RBFOX1: variants seen among roughly 807,000 people sequenced by gnomAD.
The protein encoded by RBFOX1 is RNA binding protein fox-1 homolog 1.
RBFOX1 carries 8 observed loss-of-function variants against 57.7 expected under a neutral mutation model. That is an observed-to-expected ratio of 0.14 (90% confidence interval 0.08 to 0.25). RBFOX1 has a LOEUF of 0.25. Among genes scored for constraint, RBFOX1 ranks in the 10% least tolerant of loss-of-function variants. The pLI is 1.00. For synonymous variants in RBFOX1, 326 were observed against 222.4 expected, an observed-to-expected ratio of 1.47 and a Z score of -4.15; for missense variants, 611 against 548.5, an observed-to-expected ratio of 1.11 and a Z score of -1.14.
intron 2 of RBFOX1, among the ~76,000 whole-genome samples, chr16:6,322,829 C>G (rs1250374090): frequency 6.6e-6 from 1 of 152,166 alleles, no homozygotes; most frequent in South Asian, 2.1e-4. Flanking sequence ...TAATTCAAGG[C>G]CAGGCACAGG....
chr16:6,718,870 G>A (rs1333217828), intron 3 of RBFOX1, among the ~76,000 whole-genome samples: 1 of 151,570 alleles, frequency 6.6e-6, no homozygotes, highest in African/African-American at 2.4e-5. Flanking sequence ...TGTTGTTGTT[G>A]CTTGTTTTTT....
At chr16:5,428,481 G>A (rs1354606448) in intron 1 of RBFOX1, among the ~76,000 whole-genome samples, 4 of 152,144 alleles carry the variant, frequency 2.6e-5, no homozygotes, top group African/African-American at 9.7e-5. Flanking sequence ...TGAGAGATAT[G>A]CATTCTAGTA....
chr16:5,985,309 A>T (rs1246170866), intron 4 of RBFOX1, among the ~76,000 whole-genome samples: 2 of 141,404 alleles, frequency 1.4e-5, no homozygotes, highest in African/African-American at 5.1e-5. Flanking sequence ...TCATAATCTT[A>T]TGGGGCCATT....
At chr16:6,433,846 C>CTTTTTTTTTTTT (rs201617630) in intron 2 of RBFOX1, among the ~76,000 whole-genome samples, 1 of 127,178 alleles carries the variant, frequency 7.9e-6, no homozygotes, top group Non-Finnish European at 1.6e-5. Flanking sequence ...TTTCATTTTT[C>CTTTTTTTTTTTT]TTTTTTTTTT....
At chr16:6,294,087 C>G (rs1467728524) in intron 1 of RBFOX1, among the ~76,000 whole-genome samples, 2 of 152,144 alleles carry the variant, frequency 1.3e-5, no homozygotes, top group Non-Finnish European at 2.9e-5. Flanking sequence ...GAGGCTGAGA[C>G]AGGAGGATTG....
intron 4 of RBFOX1, among the ~76,000 whole-genome samples, chr16:7,488,975 T>A: frequency 6.6e-6 from 1 of 152,166 alleles, no homozygotes. Context: ...ATCCATTATC[T>A]ATGCCTCTAA....
At chr16:7,485,559 T>A (rs145843895) in intron 4 of RBFOX1, among the ~76,000 whole-genome samples, 86 of 152,284 alleles carry the variant, frequency 5.6e-4, no homozygotes, top group African/African-American at 2.0e-3. Context: ...CTGAAGCAGT[T>A]CTCAACCCCC....
At chr16:7,176,629 T>A (rs1044182737) in intron 4 of RBFOX1, among the ~76,000 whole-genome samples, 24 of 152,158 alleles carry the variant, frequency 1.6e-4, no homozygotes, top group African/African-American at 5.3e-4. Flanking sequence ...ACTATATGGG[T>A]GGCAAAGCCT....
intron 1 of RBFOX1, among the ~76,000 whole-genome samples, chr16:6,310,145 G>A (rs560425037): frequency 3.3e-5 from 5 of 152,256 alleles, no homozygotes; most frequent in South Asian, 4.2e-4. Context: ...CTCGGCCTAC[G>A]AAAGTGCTGG....
At chr16:6,002,953 C>T (rs1202886359) in intron 4 of RBFOX1, among the ~76,000 whole-genome samples, 1 of 152,124 alleles carries the variant, frequency 6.6e-6, no homozygotes, top group Non-Finnish European at 1.5e-5. Context: ...CCTCTGACAG[C>T]CATTTCAATT....
intron 2 of RBFOX1, among the ~76,000 whole-genome samples, chr16:5,506,767 T>C (rs374169824): frequency 3.3e-5 from 5 of 152,128 alleles, no homozygotes; most frequent in African/African-American, 1.2e-4. Context: ...GTTGAAAGTT[T>C]TACCAGTCTG....
chr16:7,537,381 G>T (rs943464050), intron 5 of RBFOX1, among the ~76,000 whole-genome samples: 2 of 152,200 alleles, frequency 1.3e-5, no homozygotes, highest in African/African-American at 4.8e-5. Flanking sequence ...AGTGACCATT[G>T]AGGATGTGAT....
intron 1 of RBFOX1, among the ~76,000 whole-genome samples, chr16:5,341,594 T>C (rs2065034145): frequency 6.6e-6 from 1 of 152,182 alleles, no homozygotes; most frequent in Non-Finnish European, 1.5e-5. Context: ...ACGTGAGCAG[T>C]GACTAAGAAG....
intron 4 of RBFOX1, among the ~76,000 whole-genome samples, chr16:7,357,251 C>A (rs1377512140): frequency 2.0e-5 from 3 of 148,676 alleles, no homozygotes; most frequent in Non-Finnish European, 3.0e-5. Context: ...AAAAAAAAAT[C>A]TCTTGGATGG....
chr16:5,306,975 T>C (rs1375396267), intron 1 of RBFOX1, among the ~76,000 whole-genome samples: 2 of 152,100 alleles, frequency 1.3e-5, no homozygotes, highest in Non-Finnish European at 2.9e-5. Context: ...GGCAGGCATC[T>C]CAGCAAAACT....
chr16:6,221,741 T>C (rs12922052), intron 1 of RBFOX1, among the ~76,000 whole-genome samples: 142,904 of 152,232 alleles, frequency 0.94, 67,694 homozygotes, highest in East Asian at 1. Flanking sequence ...ATGTGGTGGC[T>C]GGCAAAGAAA....
At chr16:6,954,131 T>G (rs543146574) in intron 3 of RBFOX1, among the ~76,000 whole-genome samples, 1 of 152,148 alleles carries the variant, frequency 6.6e-6, no homozygotes, top group South Asian at 2.1e-4. Flanking sequence ...TGCAGGCGTA[T>G]TGGAAGTTAC....
At chr16:6,583,083 T>C (rs554842610) in intron 2 of RBFOX1, among the ~76,000 whole-genome samples, 2 of 151,960 alleles carry the variant, frequency 1.3e-5, no homozygotes, top group African/African-American at 4.8e-5. Flanking sequence ...TCAGGTAAAT[T>C]CTCCCCACAA....
At chr16:5,859,898 T>C (rs989546140) in intron 3 of RBFOX1, among the ~76,000 whole-genome samples, 1 of 152,120 alleles carries the variant, frequency 6.6e-6, no homozygotes, top group Admixed American at 6.5e-5. Flanking sequence ...TGACTCAGGT[T>C]TCTTGGTGAA....
Sources: gnomAD v4.1 joint callset for allele counts (sites outside exome capture counted in the v4.1 genomes callset) on GRCh38, gnomAD v4.1.1 for gene constraint, MANE v1.5 for transcripts, NCBI Gene and HGNC (gene_info 2026-07-23, HGNC 2026-07-21) for gene names.